The following EXOC2 variants were observed in gnomAD, a reference collection of about 807,000 sequenced individuals.
EXOC2 encodes the protein exocyst complex component 2, also known as SEC5-like 1.
Under a neutral mutation model 131.8 loss-of-function variants are expected in EXOC2, and 70 were observed. That is an observed-to-expected ratio of 0.53 (90% CI 0.44 to 0.65). The LOEUF (loss-of-function observed/expected upper bound fraction) is 0.65. Ranked by LOEUF, EXOC2 falls within the 30% of genes least tolerant of loss-of-function variation. The probability of loss-of-function intolerance (pLI) is 0.00; values close to 1 mark genes in which losing one functional copy is unlikely to be tolerated. For synonymous variants in EXOC2, 411 were observed against 398.4 expected, an observed-to-expected ratio of 1.03 and a Z score of -0.38; for missense variants, 923 against 1,108.6, an observed-to-expected ratio of 0.83 and a Z score of 2.38.
intron 27 of EXOC2, among the ~76,000 whole-genome samples, 167 bp downstream of exon 27, chr6:488,804 CAGGTGACG>C (rs1349487112): frequency 6.6e-6 from 1 of 152,186 alleles, no homozygotes; most frequent in Non-Finnish European, 1.5e-5. Flanking sequence ...ATGCAAGTTA[CAGGTGACG>C]AGATGTACCT....
intron 7 of EXOC2, among the ~76,000 whole-genome samples, chr6:605,604 T>C (rs1760364927): frequency 6.6e-6 from 1 of 152,208 alleles, no homozygotes; most frequent in African/African-American, 2.4e-5. Flanking sequence ...TTCTTCTTTA[T>C]TAGTCTTGCT....
intron 23 of EXOC2, chr6:524,159 C>T (rs958836283): frequency 6.6e-6 from 1 of 152,044 alleles, no homozygotes; most frequent in African/African-American, 2.4e-5. Context: ...AATCCTTATT[C>T]GGTCATTCAT....
chr6:632,555 T>A (rs1355608008), intron 3 of EXOC2, among the ~76,000 whole-genome samples: 1 of 152,174 alleles, frequency 6.6e-6, no homozygotes, highest in Non-Finnish European at 1.5e-5. Context: ...AAAGGGAATA[T>A]TATTTAGATA....
At chr6:551,231 G>A (rs1265706902) in intron 21 of EXOC2, among the ~76,000 whole-genome samples, 2 of 152,176 alleles carry the variant, frequency 1.3e-5, no homozygotes, top group South Asian at 2.1e-4. Context: ...AGGAGAACCC[G>A]CTCAGTGATG....
chr6:492,221 T>G (rs1402437358), intron 25 of EXOC2, among the ~76,000 whole-genome samples: 3 of 152,208 alleles, frequency 2.0e-5, no homozygotes, highest in Non-Finnish European at 4.4e-5. Flanking sequence ...GAGGTATCAC[T>G]TCACACCCAC....
chr6:603,908 A>C (rs1760252089), intron 7 of EXOC2, among the ~76,000 whole-genome samples: 1 of 152,236 alleles, frequency 6.6e-6, no homozygotes, highest in South Asian at 2.1e-4. Context: ...TAATGACAGG[A>C]ATATTTTCAC....
chr6:616,378 C>T (rs374224549), intron 6 of EXOC2, among the ~76,000 whole-genome samples: 37 of 151,724 alleles, frequency 2.4e-4, no homozygotes, highest in Non-Finnish European at 4.7e-4. Context: ...CCGAGGCGGG[C>T]GGATCACGAG....
chr6:582,295 A>C (rs1339456466), intron 11 of EXOC2, among the ~76,000 whole-genome samples: 3 of 152,146 alleles, frequency 2.0e-5, no homozygotes, highest in Admixed American at 6.5e-5. Context: ...GACCCTTCTT[A>C]AGGGAAGCCT....
intron 1 of EXOC2, among the ~76,000 whole-genome samples, chr6:675,230 T>C (rs1764054922): frequency 6.6e-6 from 1 of 152,190 alleles, no homozygotes; most frequent in Non-Finnish European, 1.5e-5. Context: ...TCTGAGCCAC[T>C]GTGACTCAAT....
chr6:629,511 T>C (rs1387689262), intron 4 of EXOC2, among the ~76,000 whole-genome samples: 2 of 152,254 alleles, frequency 1.3e-5, no homozygotes, highest in Admixed American at 1.3e-4. Context: ...AGATTATGTA[T>C]GCTATTTTGA....
At chr6:505,321 T>G (rs920110951) in intron 23 of EXOC2, among the ~76,000 whole-genome samples, 1 of 152,166 alleles carries the variant, frequency 6.6e-6, no homozygotes, top group Non-Finnish European at 1.5e-5. Flanking sequence ...CAAATGCCGG[T>G]GATGGCTGGG....
intron 11 of EXOC2, among the ~76,000 whole-genome samples, chr6:588,917 G>A (rs1394951149): frequency 6.6e-6 from 1 of 152,086 alleles, no homozygotes; most frequent in African/African-American, 2.4e-5. Context: ...CTTTGAGAAA[G>A]ATTCAGACCT....
intron 23 of EXOC2, among the ~76,000 whole-genome samples, chr6:502,203 C>T (rs1764256032): frequency 6.6e-6 from 1 of 152,166 alleles, no homozygotes; most frequent in Admixed American, 6.5e-5. Flanking sequence ...ATTTTCGATG[C>T]TCTAAGGAAC....
intron 23 of EXOC2, among the ~76,000 whole-genome samples, chr6:514,972 C>A (rs1363861904): frequency 1.3e-5 from 2 of 152,246 alleles, no homozygotes; most frequent in African/African-American, 4.8e-5. Context: ...ACATTAGGCA[C>A]TGGTGGCTTC....
chr6:682,345 A>G (rs985182116), intron 1 of EXOC2, among the ~76,000 whole-genome samples: 15 of 151,868 alleles, frequency 9.9e-5, no homozygotes, highest in African/African-American at 3.1e-4. Context: ...GACTACAGGC[A>G]ACCACTACCA....
chr6:689,895 T>A (rs1764837663), intron 1 of EXOC2, among the ~76,000 whole-genome samples: 1 of 152,196 alleles, frequency 6.6e-6, no homozygotes, highest in African/African-American at 2.4e-5. Flanking sequence ...CAGGAAGGAT[T>A]TCAGAGATAA....
At chr6:672,733 TA>T (rs1208441267) in intron 1 of EXOC2, among the ~76,000 whole-genome samples, 2 of 152,220 alleles carry the variant, frequency 1.3e-5, no homozygotes, top group Non-Finnish European at 2.9e-5. Context: ...CTGAGGGATA[TA>T]AGGGAAGTTG....
At chr6:580,271 A>AC (rs996576902) in intron 11 of EXOC2, among the ~76,000 whole-genome samples, 9 of 152,088 alleles carry the variant, frequency 5.9e-5, no homozygotes, top group African/African-American at 2.2e-4. Flanking sequence ...TGAACTCCTG[A>AC]CCTTGTGATC....
At chr6:497,342 A>G in intron 25 of EXOC2, 25 bp downstream of exon 25, 2 of 1,608,132 alleles carry the variant, frequency 1.2e-6, no homozygotes, top group South Asian at 2.2e-5. Context: ...CAGAAGTTCA[A>G]TATGAAATTG....
Sources: allele counts gnomAD v4.1 joint callset (sites outside exome capture counted in the v4.1 genomes callset), GRCh38; gene constraint gnomAD v4.1.1; transcripts MANE v1.5; gene names NCBI Gene and HGNC (gene_info 2026-07-23, HGNC 2026-07-21).